The following TMEM178B variants were observed in gnomAD, a reference collection of about 807,000 sequenced individuals.
TMEM178B encodes transmembrane protein 178B.
Under a neutral mutation model 31.0 loss-of-function variants are expected in TMEM178B, and 5 were observed. The observed-to-expected ratio is 0.16, with a 90% CI of 0.08 to 0.34. The LOEUF (loss-of-function observed/expected upper bound fraction) is 0.34, where lower values mean the gene tolerates loss of function less well. Ranked by LOEUF, TMEM178B falls within the 10% of genes least tolerant of loss-of-function variation. TMEM178B has a pLI of 1.00. For missense variants in TMEM178B, 275 were observed against 400.3 expected, an observed-to-expected ratio of 0.69 and a Z score of 2.67; for synonymous variants, 164 against 164.0, an observed-to-expected ratio of 1.00 and a Z score of 0.00.
rs186526905 is a variant in TMEM178B, at chr7:141,325,618, G to A, written c.497-111990G>A. On this transcript the variant is annotated intron_variant, in intron 2 of 3. Coordinates refer to ENST00000565468, the MANE Select transcript of TMEM178B (RefSeq NM_001195278.2). ...ACTGCACTGACAGGGCCCAGAGAAG[G>A]TGTAACAAGCCTGGACTTCTTGGGA... 1.7e-3 allele frequency among the ~76,000 whole-genome samples: 262 copies of A among 152,328 alleles called. 2 individuals carry two copies. Among genetic ancestry groups the A allele is most frequent in the African/African-American group, 4.1e-3 (172 of 41,582 alleles).
At chr7:141,155,881 A>G (rs1586799827) in intron 1 of TMEM178B, among the ~76,000 whole-genome samples, 1 of 152,150 alleles carries the variant, frequency 6.6e-6, no homozygotes, top group Non-Finnish European at 1.5e-5. Context: ...CCTGGCCAAG[A>G]TGGTGAAAAC....
intron 1 of TMEM178B, among the ~76,000 whole-genome samples, chr7:141,186,887 G>A (rs566488714): frequency 6.6e-6 from 1 of 152,276 alleles, no homozygotes; most frequent in African/African-American, 2.4e-5. Flanking sequence ...CCATGTGGAT[G>A]GCACAGAGCC....
At chr7:141,319,288 T>G (rs773879696) in intron 2 of TMEM178B, among the ~76,000 whole-genome samples, 6 of 152,234 alleles carry the variant, frequency 3.9e-5, no homozygotes, top group Non-Finnish European at 8.8e-5. Context: ...GCACTGAGCT[T>G]GGGCCCACAG....
chr7:141,288,206 T>TC (rs376746193), intron 2 of TMEM178B, among the ~76,000 whole-genome samples: 12 of 150,248 alleles, frequency 8.0e-5, no homozygotes, highest in East Asian at 5.8e-4. Context: ...TTTTTTTTTT[T>TC]CCCCCTCTGG....
At chr7:141,240,842 A>G (rs996602800) in intron 2 of TMEM178B, among the ~76,000 whole-genome samples, 1 of 151,446 alleles carries the variant, frequency 6.6e-6, no homozygotes, top group Non-Finnish European at 1.5e-5. Context: ...CCTCCTTGTG[A>G]TTTGGTATCT....
the TMEM178B span, among the ~76,000 whole-genome samples, chr7:141,499,347 G>A: frequency 9.2e-5 from 14 of 151,736 alleles, no homozygotes; most frequent in Admixed American, 9.2e-4. Flanking sequence ...GGAAAAGACG[G>A]CTGCATGTTG....
intron 2 of TMEM178B, among the ~76,000 whole-genome samples, chr7:141,367,736 C>T (rs1308020743): frequency 6.6e-6 from 1 of 151,934 alleles, no homozygotes; most frequent in African/African-American, 2.4e-5. Flanking sequence ...GGAGTATAAC[C>T]CGACCTCCTC....
chr7:141,376,099 G>C (rs1563165534), intron 2 of TMEM178B, among the ~76,000 whole-genome samples: 1 of 152,162 alleles, frequency 6.6e-6, no homozygotes, highest in Non-Finnish European at 1.5e-5. Context: ...CTTCCTTAAT[G>C]CTTAGCAAGT....
chr7:141,332,549 C>T (rs1339703038), intron 2 of TMEM178B, among the ~76,000 whole-genome samples: 1 of 152,222 alleles, frequency 6.6e-6, no homozygotes, highest in African/African-American at 2.4e-5. Flanking sequence ...CTAGCTCCCT[C>T]ATCATGTGAA....
intron 2 of TMEM178B, among the ~76,000 whole-genome samples, chr7:141,403,530 C>T (rs1800826230): frequency 6.6e-6 from 1 of 152,206 alleles, no homozygotes; most frequent in Non-Finnish European, 1.5e-5. Context: ...AGAGCTCAGA[C>T]TCTTTTGACT....
intron 1 of TMEM178B, among the ~76,000 whole-genome samples, chr7:141,151,694 G>A (rs144960147): frequency 4.5e-4 from 68 of 152,268 alleles, no homozygotes; most frequent in African/African-American, 1.5e-3. Context: ...GTGAACCCAC[G>A]CCATCATGAT....
chr7:141,414,173 C>A lies in TMEM178B; in HGVS notation c.497-23435C>A. On this transcript the variant is annotated intron_variant, in intron 2 of 3. Transcript: ENST00000565468. ...AATCTCGGCTCACTGCAAGCTCCGC[C>A]TCCCAGGTTCACGCCATTCTCCTGC... is the stretch of plus-strand genomic sequence containing the variant. Among the ~76,000 whole-genome samples, 2 of 69,710 alleles carry A rather than the reference C, an allele frequency of 2.9e-5. 1 individual carries two copies. Among genetic ancestry groups the A allele is most frequent in the Non-Finnish European group, 5.2e-5 (2 of 38,706 alleles). The allele number at this position is 69,710 out of a possible 152,430, so 45.7% of individuals were successfully genotyped here.
intron 2 of TMEM178B, among the ~76,000 whole-genome samples, chr7:141,257,003 G>A (rs543619209): frequency 1.3e-5 from 2 of 152,268 alleles, no homozygotes; most frequent in East Asian, 3.9e-4. Context: ...GGTGCTGGAC[G>A]AGATCACCTT....
At chr7:141,084,261 T>G (rs1794741204) in intron 1 of TMEM178B, among the ~76,000 whole-genome samples, 1 of 152,212 alleles carries the variant, frequency 6.6e-6, no homozygotes, top group Non-Finnish European at 1.5e-5. Context: ...TGAACAGAGC[T>G]TTTAAGGAGT....
At chr7:141,184,178 T>C (rs755490648) in intron 1 of TMEM178B, among the ~76,000 whole-genome samples, 3 of 152,250 alleles carry the variant, frequency 2.0e-5, no homozygotes, top group Non-Finnish European at 4.4e-5. Flanking sequence ...TAGTAATCTA[T>C]GTAACATTCT....
At chr7:141,218,534 G>A (rs1377527629) in intron 2 of TMEM178B, among the ~76,000 whole-genome samples, 2 of 152,172 alleles carry the variant, frequency 1.3e-5, no homozygotes, top group East Asian at 3.9e-4. Flanking sequence ...TCAGTCTTAA[G>A]GGACCAGTCC....
chr7:141,261,225 G>C (rs992533951), intron 2 of TMEM178B, among the ~76,000 whole-genome samples: 1 of 152,248 alleles, frequency 6.6e-6, no homozygotes, highest in South Asian at 2.1e-4. Context: ...TGCCCTGTTC[G>C]TGAGGAAGAG....
intron 2 of TMEM178B, among the ~76,000 whole-genome samples, chr7:141,274,731 T>C (rs917157): frequency 0.31 from 46,978 of 152,070 alleles, 8,469 homozygotes; most frequent in Non-Finnish European, 0.41. Context: ...GAGTTTGTGA[T>C]CTAGAAGGAG....
At chr7:141,103,496 TTG>T (rs1404208378) in intron 1 of TMEM178B, among the ~76,000 whole-genome samples, 1 of 152,218 alleles carries the variant, frequency 6.6e-6, no homozygotes, top group African/African-American at 2.4e-5. Flanking sequence ...CTATTGATTT[TTG>T]TGTGTCTACT....
Sources: gnomAD v4.1 joint callset for allele counts (sites outside exome capture counted in the v4.1 genomes callset) on GRCh38, gnomAD v4.1.1 for gene constraint, MANE v1.5 for transcripts, NCBI Gene and HGNC (gene_info 2026-07-23, HGNC 2026-07-21) for gene names.